Variants in VPS8 observed in about 807,000 individuals in gnomAD.
VPS8 encodes the protein VPS8 subunit of CORVET complex.
In VPS8, 129 loss-of-function variants were observed where a neutral mutation model predicts 216.4. The ratio of observed to expected loss-of-function variants is 0.60; its 90% confidence interval spans 0.52 to 0.69. The LOEUF is 0.69. Ranked by LOEUF, VPS8 falls within the 30% of genes least tolerant of loss-of-function variation. The pLI is 0.00. For missense variants in VPS8, 1,531 were observed against 1,683.5 expected, an observed-to-expected ratio of 0.91 and a Z score of 1.59; for synonymous variants, 571 against 565.4, an observed-to-expected ratio of 1.01 and a Z score of -0.14.
intron 25 of VPS8, among the ~76,000 whole-genome samples, chr3:184,903,931 G>T (rs578004862): frequency 2.0e-5 from 3 of 152,056 alleles, no homozygotes; most frequent in African/African-American, 7.2e-5. Flanking sequence ...TTTTTTCAAT[G>T]ATGTTTTGCA....
At chr3:185,035,566 T>C (rs1483129748) in intron 46 of VPS8, among the ~76,000 whole-genome samples, 1 of 152,166 alleles carries the variant, frequency 6.6e-6, no homozygotes, top group Non-Finnish European at 1.5e-5. Flanking sequence ...CATCCCTTCA[T>C]GATAAAAACC....
At chr3:184,965,380 C>G (rs894525240) in intron 38 of VPS8, among the ~76,000 whole-genome samples, 1 of 152,072 alleles carries the variant, frequency 6.6e-6, no homozygotes, top group Non-Finnish European at 1.5e-5. Flanking sequence ...TTGACAATAC[C>G]ATGAACCTAG....
At position 184,834,669 on chromosome 3, in the gene VPS8, C is replaced by G. The variant is rs1221142694; in HGVS notation, c.374C>G (p.Ser125Cys). 3 of 1,530,774 alleles carry G rather than the reference C, an allele frequency of 2.0e-6. No homozygotes were observed. The highest frequency in any genetic ancestry group is 2.6e-6 in the Non-Finnish European group (3 of 1,137,958). 94.8% of individuals were successfully genotyped at this position (1,530,774 alleles called of 1,614,324 possible). A position where few individuals can be genotyped will look rare whatever the true frequency, so the allele number is the denominator to read the frequency against. ...TTCAGGAAGAAGAAATTACCTGATT[C>G]TTTTTCACTTCATGGATCAGTTATG... ...NLKRKKKLPDSFSLHGSVMRH... is the reference protein window; with the variant it reads ...NLKRKKKLPDCFSLHGSVMRH... The change falls in exon 5 of 48, where the codon TCT becomes TGT. Residue 125 changes from serine to cysteine, a missense_variant. This residue lies in a region of VPS8 where 199 missense variants were observed against 182.2 expected (regional missense o/e 1.09). Transcript: ENST00000625842.
chr3:184,930,374 C>A, intron 33 of VPS8, 96 bp from the exon 34 acceptor site: 1 of 705,620 alleles, frequency 1.4e-6, no homozygotes, highest in Non-Finnish European at 2.3e-6. Context: ...AATTTTTCAT[C>A]TTCAGATAAT....
chr3:184,926,498 G>T, intron 30 of VPS8, 96 bp from the exon 31 acceptor site: 2 of 1,247,662 alleles, frequency 1.6e-6, no homozygotes, highest in South Asian at 1.4e-5. Flanking sequence ...GGGTGTGAAT[G>T]AGTTGGTTAT....
At chr3:184,853,790 C>G (rs1724739949) in intron 11 of VPS8, 67 bp from the exon 12 acceptor site, 1 of 1,514,496 alleles carries the variant, frequency 6.6e-7, no homozygotes, top group Non-Finnish European at 8.9e-7. Flanking sequence ...GAAAGTAGTC[C>G]AGGTAGAGAT....
intron 25 of VPS8, among the ~76,000 whole-genome samples, chr3:184,912,883 G>A (rs569779239): frequency 2.8e-4 from 42 of 152,298 alleles, no homozygotes; most frequent in African/African-American, 8.9e-4. Context: ...CGCTGTGGGC[G>A]TTCCCAGTCA....
intron 31 of VPS8, among the ~76,000 whole-genome samples, chr3:184,928,023 G>T (rs1296558275): frequency 6.6e-6 from 1 of 152,198 alleles, no homozygotes; most frequent in African/African-American, 2.4e-5. Flanking sequence ...GTGCTGCTAT[G>T]AAAAGCCCCA....
intron 22 of VPS8, among the ~76,000 whole-genome samples, chr3:184,886,804 C>T (rs544547472): frequency 6.6e-6 from 1 of 152,120 alleles, no homozygotes; most frequent in African/African-American, 2.4e-5. Context: ...TGGTCTCAAA[C>T]TCCTGACTTT....
chr3:185,022,222 C>T (rs1756762736), intron 45 of VPS8, among the ~76,000 whole-genome samples: 2 of 152,166 alleles, frequency 1.3e-5, no homozygotes, highest in African/African-American at 4.8e-5. Context: ...TCCCCTTCAC[C>T]ATGATTTTAA....
rs1731506655 is a variant in VPS8, at chr3:184,887,498, A to G, written c.1781+1342A>G. Among the ~76,000 whole-genome samples the G allele has an allele frequency of 3.3e-5, 5 of 151,040 alleles. No homozygotes were observed. The South Asian group carries it at 6.2e-4, about 19-fold the overall frequency. On this transcript the variant is annotated intron_variant, in intron 22 of 47. Coordinates refer to ENST00000625842, the MANE Select transcript of VPS8 (RefSeq NM_001009921.3). ...CTAATTTTTGTAGCAATTTATTTTT[A>G]TAACAGTGAGGTAGGGATTATTATC...
chr3:184,984,752 T>A (rs1750808454), intron 42 of VPS8, among the ~76,000 whole-genome samples: 1 of 152,204 alleles, frequency 6.6e-6, no homozygotes. Context: ...GCAGGAATAC[T>A]TTTCCAAGTA....
At position 184,918,797 on chromosome 3, in the gene VPS8, G is replaced by A. The variant is rs75027562; in HGVS notation, c.2383-1330G>A. On this transcript the variant is annotated intron_variant, in intron 28 of 47. Coordinates refer to ENST00000625842, the MANE Select transcript of VPS8 (RefSeq NM_001009921.3). Reference sequence around the variant, plus strand: ...GCAGAGTATCATCTCACTTTAGCAGGCAGGGATGGGTGTCTATGTATGTGT... The same window carrying A: ...GCAGAGTATCATCTCACTTTAGCAGACAGGGATGGGTGTCTATGTATGTGT... Among the ~76,000 whole-genome samples, 306 of 152,274 alleles carry A rather than the reference G, an allele frequency of 2.0e-3. 2 individuals are homozygous for A. Among genetic ancestry groups the A allele is most frequent in the Middle Eastern group, 6.8e-3 (2 of 294 alleles).
At chr3:184,849,679 T>C in intron 9 of VPS8, 1 of 458,152 alleles carries the variant, frequency 2.2e-6, no homozygotes, top group Admixed American at 4.0e-5. Context: ...TAGAGAAATA[T>C]CTTTTGTCTC....
intron 3 of VPS8, among the ~76,000 whole-genome samples, chr3:184,832,355 A>G (rs1720172781): frequency 6.6e-6 from 1 of 152,134 alleles, no homozygotes; most frequent in Admixed American, 6.5e-5. Context: ...GTTTTCTTCA[A>G]ATTAGCCATT....
rs140469755 is a variant in VPS8 at position 184,997,408 on chromosome 3, A to G, written c.3836+907A>G. Among the ~76,000 whole-genome samples, 412 of 152,328 alleles carry G rather than the reference A, an allele frequency of 2.7e-3. 2 individuals are homozygous for G. The highest frequency in any genetic ancestry group is 9.8e-3 in the African/African-American group (407 of 41,570). On this transcript the variant is annotated intron_variant, in intron 44 of 47. Transcript: ENST00000625842. Reference sequence around the variant, plus strand: ...TTGAATGAGATGATTTATATAAGGCACTTGTAACAGTGCCTGGCATGAGTA... The same window carrying G: ...TTGAATGAGATGATTTATATAAGGCGCTTGTAACAGTGCCTGGCATGAGTA...
At chr3:184,996,612 G>A in intron 44 of VPS8, 111 bp downstream of exon 44, 2 of 1,241,046 alleles carry the variant, frequency 1.6e-6, no homozygotes, top group Non-Finnish European at 2.2e-6. Flanking sequence ...AACGTGATAG[G>A]CAAGTTCCTG....
chr3:184,840,066 G>A (rs958064637), intron 7 of VPS8: 2 of 302,858 alleles, frequency 6.6e-6, no homozygotes, highest in Non-Finnish European at 1.0e-5. Context: ...CCGGTTGTTG[G>A]TGGTGGGGAT....
intron 25 of VPS8, among the ~76,000 whole-genome samples, chr3:184,911,908 A>G (rs955652558): frequency 3.9e-5 from 6 of 152,214 alleles, no homozygotes; most frequent in African/African-American, 1.4e-4. Context: ...ATTTTGCTCA[A>G]AAGATAACAC....
Sources: gnomAD v4.1 joint callset for allele counts (sites outside exome capture counted in the v4.1 genomes callset) on GRCh38, gnomAD v4.1.1 for gene constraint, gnomAD v4.1.1 regional missense constraint, MANE v1.5 for transcripts, NCBI Gene and HGNC (gene_info 2026-07-23, HGNC 2026-07-21) for gene names.